The following ANO4 variants were observed in gnomAD, a reference collection of about 807,000 sequenced individuals.
ANO4 encodes anoctamin-4.
In ANO4, 69 loss-of-function variants were observed where a neutral mutation model predicts 141.9. That is an observed-to-expected ratio of 0.49 (90% CI 0.40 to 0.59). The LOEUF (loss-of-function observed/expected upper bound fraction) is 0.59. Ranked by LOEUF, ANO4 falls within the 20% of genes least tolerant of loss-of-function variation. The pLI, the probability that ANO4 is intolerant of heterozygous loss-of-function variation, is 0.00. For missense variants in ANO4, 894 were observed against 1,162.2 expected, an observed-to-expected ratio of 0.77 and a Z score of 3.36; for synonymous variants, 350 against 394.3, an observed-to-expected ratio of 0.89 and a Z score of 1.33.
chr12:100,736,422 A>G (rs1218877113), intron 2 of ANO4, among the ~76,000 whole-genome samples: 3 of 152,152 alleles, frequency 2.0e-5, no homozygotes, highest in African/African-American at 4.8e-5. Flanking sequence ...CTGAGAGGGT[A>G]AAGAATTGCC....
At chr12:100,938,278 T>C (rs2042366782) in intron 3 of ANO4, among the ~76,000 whole-genome samples, 3 of 152,252 alleles carry the variant, frequency 2.0e-5, no homozygotes. Context: ...CTTTGTTTTC[T>C]TCAGTTATTG....
intron 1 of ANO4, among the ~76,000 whole-genome samples, chr12:100,797,641 A>C (rs1475175307): frequency 6.7e-6 from 1 of 150,338 alleles, no homozygotes; most frequent in Non-Finnish European, 1.5e-5. Context: ...CAGTTGATGC[A>C]GTTATTCTTT....
At chr12:100,749,931 G>A (rs1432553720) in intron 3 of ANO4, among the ~76,000 whole-genome samples, 1 of 152,080 alleles carries the variant, frequency 6.6e-6, no homozygotes, top group East Asian at 1.9e-4. Flanking sequence ...CGTAATTAAT[G>A]GGATGTGATA....
At chr12:100,719,777 G>A (rs911242041) in intron 1 of ANO4, among the ~76,000 whole-genome samples, 5 of 152,114 alleles carry the variant, frequency 3.3e-5, no homozygotes, top group African/African-American at 1.2e-4. Flanking sequence ...CTTCTAATAT[G>A]CATTTCTGAT....
At chr12:100,821,792 C>G (rs80268979) in intron 1 of ANO4, among the ~76,000 whole-genome samples, 1,588 of 152,112 alleles carry the variant, frequency 0.01, 34 homozygotes, top group African/African-American at 0.036. Context: ...CAGTTATAAA[C>G]AGCAAGTTAA....
At chr12:101,021,603 T>G (rs1049642863) in intron 9 of ANO4, among the ~76,000 whole-genome samples, 2 of 152,186 alleles carry the variant, frequency 1.3e-5, no homozygotes, top group Non-Finnish European at 2.9e-5. Context: ...AGGGTGAAAC[T>G]AGAAGGTTGC....
At chr12:100,758,711 A>G (rs531144625) in intron 3 of ANO4, among the ~76,000 whole-genome samples, 5 of 152,312 alleles carry the variant, frequency 3.3e-5, no homozygotes, top group Non-Finnish European at 7.4e-5. Context: ...ACCTAAAACA[A>G]CAGAAATCTA....
chr12:100,899,295 G>A (rs1164199611), intron 1 of ANO4, among the ~76,000 whole-genome samples: 2 of 152,168 alleles, frequency 1.3e-5, no homozygotes, highest in Admixed American at 6.5e-5. Context: ...AGGTAGATGT[G>A]TGAAAGCCCA....
At chr12:101,112,156 C>T (rs1237244686) in intron 24 of ANO4, among the ~76,000 whole-genome samples, 1 of 152,156 alleles carries the variant, frequency 6.6e-6, no homozygotes, top group Admixed American at 6.5e-5. Flanking sequence ...GCAGATCTTA[C>T]ATAGGAAATA....
At chr12:100,942,204 C>A (rs879918573) in intron 4 of ANO4, among the ~76,000 whole-genome samples, 173 bp from the exon 5 acceptor site, 1 of 152,114 alleles carries the variant, frequency 6.6e-6, no homozygotes, top group African/African-American at 2.4e-5. Flanking sequence ...TGGTCTCGAA[C>A]TCCTGACCTC....
chr12:100,751,753 G>C (rs1186059702), intron 3 of ANO4, among the ~76,000 whole-genome samples: 1 of 152,104 alleles, frequency 6.6e-6, no homozygotes, highest in African/African-American at 2.4e-5. Context: ...TAGTAGAAGA[G>C]AGAGATATGA....
intron 1 of ANO4, among the ~76,000 whole-genome samples, chr12:100,816,638 G>C (rs983802696): frequency 1.3e-5 from 2 of 151,904 alleles, no homozygotes; most frequent in African/African-American, 4.8e-5. Flanking sequence ...AGAGTCAATA[G>C]GACTTCAACT....
intron 3 of ANO4, among the ~76,000 whole-genome samples, chr12:100,750,515 A>C (rs1483108445): frequency 2.0e-5 from 3 of 152,146 alleles, no homozygotes; most frequent in African/African-American, 7.2e-5. Flanking sequence ...GATTCAGTAC[A>C]AGACACAGGT....
intron 1 of ANO4, among the ~76,000 whole-genome samples, chr12:100,726,987 ACTT>A (rs907285641): frequency 3.6e-5 from 5 of 137,562 alleles, no homozygotes; most frequent in Non-Finnish European, 6.3e-5. Flanking sequence ...CCTAAAAAGG[ACTT>A]CTACTCTGAT....
In ANO4 at chr12:100,911,119, C is replaced by T. The variant is rs115328598; in HGVS notation, c.55+9279C>T. Among the ~76,000 whole-genome samples the T allele has an allele frequency of 2.8e-3, 419 of 152,234 alleles. 6 individuals are homozygous for T. The highest frequency in any genetic ancestry group is 9.8e-3 in the African/African-American group (408 of 41,538). On this transcript the variant is annotated intron_variant, in intron 2 of 27. Transcript: ENST00000392977. ...AGCTACAATATATTAAGCCCTCTACCATATTCCCAACCTCAAAAACTGTTC... is the reference window on the plus strand; with the variant it reads ...AGCTACAATATATTAAGCCCTCTACTATATTCCCAACCTCAAAAACTGTTC...
intron 4 of ANO4, among the ~76,000 whole-genome samples, chr12:100,941,957 A>AAATATT (rs1395992540): frequency 1.5e-4 from 21 of 143,150 alleles, no homozygotes; most frequent in South Asian, 4.5e-4. Flanking sequence ...CAATGAAAAA[A>AAATATT]ATTATTATTA....
chr12:101,107,834 T>C (rs2050509138), intron 22 of ANO4, among the ~76,000 whole-genome samples: 1 of 152,050 alleles, frequency 6.6e-6, no homozygotes, highest in Non-Finnish European at 1.5e-5. Context: ...GCTGAAAGTT[T>C]GGAGGCAAAA....
chr12:101,105,765 A>G (rs1468666168), intron 22 of ANO4, among the ~76,000 whole-genome samples: 1 of 152,236 alleles, frequency 6.6e-6, no homozygotes, highest in Non-Finnish European at 1.5e-5. Context: ...ATTAAAATCT[A>G]TAAAATAACT....
chr12:101,125,655 GT>G (rs2051282705), intron 26 of ANO4, among the ~76,000 whole-genome samples: 1 of 152,142 alleles, frequency 6.6e-6, no homozygotes, highest in African/African-American at 2.4e-5. Context: ...TTTGTCTTTA[GT>G]TCTGCTTATG....
Sources: allele counts gnomAD v4.1 joint callset (sites outside exome capture counted in the v4.1 genomes callset), GRCh38; gene constraint gnomAD v4.1.1; transcripts MANE v1.5; gene names NCBI Gene and HGNC (gene_info 2026-07-23, HGNC 2026-07-21).